The following GRM7 variants were observed in gnomAD, a reference collection of about 807,000 sequenced individuals.
The protein encoded by GRM7 is metabotropic glutamate receptor 7.
Under a neutral mutation model 84.5 loss-of-function variants are expected in GRM7, and 35 were observed. The observed-to-expected ratio is 0.41, with a 90% CI of 0.32 to 0.55. GRM7 has a LOEUF of 0.55. GRM7 is among the 20% of genes least tolerant of loss of function. The probability of loss-of-function intolerance (pLI) is 0.19; values close to 1 mark genes in which losing one functional copy is unlikely to be tolerated. For synonymous variants in GRM7, 487 were observed against 455.1 expected (o/e 1.07, Z -0.89); for missense variants, 1,003 against 1,194.6 (o/e 0.84, Z 2.36).
At chr3:6,996,710 C>T (rs1444503875) in intron 1 of GRM7, among the ~76,000 whole-genome samples, 1 of 152,174 alleles carries the variant, frequency 6.6e-6, no homozygotes, top group Non-Finnish European at 1.5e-5. Flanking sequence ...GGGTATCTTC[C>T]TTCCCTTTAG....
chr3:7,642,484 C>G (rs1012797669), intron 8 of GRM7, among the ~76,000 whole-genome samples: 1 of 152,140 alleles, frequency 6.6e-6, no homozygotes, highest in Non-Finnish European at 1.5e-5. Context: ...CTGCTTTCAT[C>G]ATGCCTTGCC....
Position 6,861,660 on chromosome 3 carries a change from G to A in GRM7, c.272G>A (p.Ser91Asn), listed in dbSNP as rs566710739. 6.2e-6 allele frequency: 10 copies of A among 1,614,044 alleles called. No individual in the cohort carries two copies. Among genetic ancestry groups the A allele is most frequent in the South Asian group, 5.5e-5 (5 of 91,072 alleles). ...CTCTACGCCCTGGACCAGATCAACAGTGATCCCAACCTACTGCCCAACGTG... is the reference window on the plus strand; with the variant it reads ...CTCTACGCCCTGGACCAGATCAACAATGATCCCAACCTACTGCCCAACGTG... ...AMLYALDQIN[S>N]DPNLLPNVTL... Residue 91 changes from serine to asparagine, a missense_variant, in exon 1 of 10, where the codon AGT becomes AAT. Around this residue, in one of 2 missense-constraint regions of GRM7, gnomAD observed 910 missense variants for 1,126.0 expected, o/e 0.81. Transcript: ENST00000357716. The surrounding 1 kb of genome is among the most constrained non-coding windows in gnomAD (Gnocchi z 6.4).
At chr3:7,732,251 T>C (rs1300083162) in intron 9 of GRM7, among the ~76,000 whole-genome samples, 1 of 152,190 alleles carries the variant, frequency 6.6e-6, no homozygotes, top group Non-Finnish European at 1.5e-5. Flanking sequence ...AAGGCTTCTC[T>C]ATGGTAACAC....
chr3:7,518,463 G>A (rs1360340095), intron 7 of GRM7, among the ~76,000 whole-genome samples: 1 of 152,162 alleles, frequency 6.6e-6, no homozygotes, highest in Non-Finnish European at 1.5e-5. Context: ...TTCAGTTACT[G>A]TGATCTTTCC....
chr3:7,001,395 G>A (rs573710533), intron 1 of GRM7, among the ~76,000 whole-genome samples: 8 of 152,236 alleles, frequency 5.3e-5, no homozygotes, highest in South Asian at 2.1e-4. Flanking sequence ...GTTTGTGCAC[G>A]TGAATATGCT....
chr3:7,007,017 C>T (rs1393341112), intron 1 of GRM7, among the ~76,000 whole-genome samples: 1 of 152,154 alleles, frequency 6.6e-6, no homozygotes, highest in Non-Finnish European at 1.5e-5. Flanking sequence ...TAGACAGCTT[C>T]CTAGAGCTAA....
chr3:6,994,215 G>T (rs1018588628), intron 1 of GRM7, among the ~76,000 whole-genome samples: 2 of 152,148 alleles, frequency 1.3e-5, no homozygotes, highest in African/African-American at 2.4e-5. Flanking sequence ...ACAGAGAAAG[G>T]TTGTTGGATT....
chr3:7,655,501 C>G (rs776758806), intron 8 of GRM7, among the ~76,000 whole-genome samples: 1 of 152,188 alleles, frequency 6.6e-6, no homozygotes, highest in Non-Finnish European at 1.5e-5. Flanking sequence ...AGGTCACTTT[C>G]AAAGATTCAG....
At chr3:7,019,084 G>A (rs1695676666) in intron 1 of GRM7, among the ~76,000 whole-genome samples, 1 of 152,202 alleles carries the variant, frequency 6.6e-6, no homozygotes, top group Non-Finnish European at 1.5e-5. Flanking sequence ...CTCTCCAGAG[G>A]AAGACTCCAT....
intron 2 of GRM7, among the ~76,000 whole-genome samples, chr3:7,199,367 A>G (rs1695988079): frequency 6.6e-6 from 1 of 152,208 alleles, no homozygotes; most frequent in South Asian, 2.1e-4. Context: ...CAACAGAGTG[A>G]GTGCTGAGGG....
chr3:7,044,542 C>T (rs2124945605), intron 1 of GRM7, among the ~76,000 whole-genome samples: 1 of 152,166 alleles, frequency 6.6e-6, no homozygotes, highest in East Asian at 1.9e-4. Context: ...TTAGATGGTT[C>T]TTTCAGAATA....
chr3:6,943,761 T>C (rs1368046155), intron 1 of GRM7, among the ~76,000 whole-genome samples: 1 of 152,094 alleles, frequency 6.6e-6, no homozygotes, highest in East Asian at 1.9e-4. Flanking sequence ...ATTGAATGTA[T>C]TCATCAATTT....
At chr3:7,714,603 T>C (rs997658243) in intron 9 of GRM7, among the ~76,000 whole-genome samples, 1 of 152,110 alleles carries the variant, frequency 6.6e-6, no homozygotes, top group African/African-American at 2.4e-5. Context: ...CTCTACACAT[T>C]ACAGTTTGAA....
intron 5 of GRM7, among the ~76,000 whole-genome samples, chr3:7,445,021 G>A (rs539862324): frequency 1.8e-4 from 27 of 152,228 alleles, no homozygotes; most frequent in African/African-American, 5.3e-4. Flanking sequence ...GCCTTTCTGC[G>A]TTGTTTTCTT....
chr3:6,935,770 A>G (rs1279713759), intron 1 of GRM7, among the ~76,000 whole-genome samples: 1 of 151,466 alleles, frequency 6.6e-6, no homozygotes, highest in African/African-American at 2.4e-5. Flanking sequence ...ATCTTGGCTC[A>G]CTGCAACCTC....
chr3:7,213,655 C>T (rs1189958624), intron 2 of GRM7, among the ~76,000 whole-genome samples: 1 of 152,164 alleles, frequency 6.6e-6, no homozygotes, highest in Non-Finnish European at 1.5e-5. Flanking sequence ...CGATGAACTT[C>T]TACGCAGTCA....
rs868532116 is a variant in GRM7, at chr3:7,415,151, C to T, written c.1162C>T (p.Arg388Cys). Residue 388 changes from arginine to cysteine, a missense_variant, in exon 5 of 10, where the codon CGC (arginine) becomes TGC (cysteine). Arg to Cys is a radical substitution (Grantham distance 180). Coordinates refer to ENST00000357716, the MANE Select transcript of GRM7 (RefSeq NM_000844.4). ...TGGGTCAAAAAAAGAAGACACAGAT[C>T]GCAAATGCACAGGTAATTTAATTCT... ...ISGSKKEDTD[R>C]KCTGQERIGK... The T allele has an allele frequency of 6.8e-6, 11 of 1,612,522 alleles. No individual in the cohort carries two copies. Among genetic ancestry groups the T allele is most frequent in the African/African-American group, 1.3e-5 (1 of 74,830 alleles).
intron 2 of GRM7, among the ~76,000 whole-genome samples, chr3:7,258,049 C>A (rs1334871255): frequency 6.6e-6 from 1 of 152,116 alleles, no homozygotes; most frequent in African/African-American, 2.4e-5. Context: ...GTATTTGCAT[C>A]ATATTTTTTT....
chr3:7,025,336 C>T (rs897930739), intron 1 of GRM7, among the ~76,000 whole-genome samples: 15 of 152,152 alleles, frequency 9.9e-5, no homozygotes, highest in Admixed American at 9.2e-4. Flanking sequence ...GGGGATGAAG[C>T]ATTATTCTGT....
Sources: allele counts gnomAD v4.1 joint callset (sites outside exome capture counted in the v4.1 genomes callset), GRCh38; gene constraint gnomAD v4.1.1; regional missense constraint gnomAD v4.1.1; non-coding constraint Gnocchi (gnomAD v3.1); transcripts MANE v1.5; gene names NCBI Gene and HGNC (gene_info 2026-07-23, HGNC 2026-07-21).